Variants in PCDHA4 observed in about 807,000 individuals in gnomAD.
PCDHA4 encodes protocadherin alpha 4, also known as protocadherin alpha-4.
In PCDHA4, 49 loss-of-function variants were observed where a neutral mutation model predicts 61.4. That is an observed-to-expected ratio of 0.80 (90% CI 0.63 to 1.01). PCDHA4 has a LOEUF of 1.01. Among genes scored for constraint, PCDHA4 ranks in the 50% least tolerant of loss-of-function variants. The pLI is 0.00. For missense variants in PCDHA4, 1,254 were observed against 1,235.8 expected (o/e 1.01, Z -0.22); for synonymous variants, 590 against 550.3 (o/e 1.07, Z -1.01).
chr5:140,857,057 G>A, intron 1 of PCDHA4: 1 of 1,596,192 alleles, frequency 6.3e-7, no homozygotes, highest in African/African-American at 1.3e-5. Flanking sequence ...CACGGTCCTA[G>A]TGGAACTACT....
At chr5:140,855,517 A>G (rs2043504995) in intron 1 of PCDHA4, among the ~76,000 whole-genome samples, 1 of 149,978 alleles carries the variant, frequency 6.7e-6, no homozygotes, top group Admixed American at 6.7e-5. Flanking sequence ...TCTCAAAATA[A>G]TGAGAAAGAG....
At chr5:140,830,065 G>A (rs2150180583) in intron 1 of PCDHA4, 1 of 1,613,730 alleles carries the variant, frequency 6.2e-7, no homozygotes. Flanking sequence ...GTGAGCCGGC[G>A]CTGACAGCGA....
At chr5:140,905,380 T>G (rs1226315920) in intron 1 of PCDHA4, among the ~76,000 whole-genome samples, 1 of 152,216 alleles carries the variant, frequency 6.6e-6, no homozygotes, top group African/African-American at 2.4e-5. Context: ...TCTGTTCTGT[T>G]TCATAGGTCT....
intron 1 of PCDHA4, among the ~76,000 whole-genome samples, chr5:140,907,480 C>A (rs1300090409): frequency 6.6e-6 from 1 of 152,212 alleles, no homozygotes; most frequent in Admixed American, 6.5e-5. Flanking sequence ...GCAGGATAGG[C>A]AAACCCATAT....
chr5:140,841,573 G>C, intron 1 of PCDHA4: 1 of 1,614,016 alleles, frequency 6.2e-7, no homozygotes. Flanking sequence ...ATGGCATTTT[G>C]TTTGTGAATT....
intron 1 of PCDHA4, among the ~76,000 whole-genome samples, chr5:140,975,450 G>T (rs1175028711): frequency 6.6e-6 from 1 of 152,174 alleles, no homozygotes. Context: ...AGGGATCTTG[G>T]GGCCATCTTG....
At chr5:140,962,841 A>G (rs1298725922) in intron 1 of PCDHA4, among the ~76,000 whole-genome samples, 3 of 152,210 alleles carry the variant, frequency 2.0e-5, no homozygotes, top group African/African-American at 7.2e-5. Flanking sequence ...TTTTTATTAT[A>G]TAACTTGTGC....
intron 1 of PCDHA4, among the ~76,000 whole-genome samples, chr5:140,909,116 T>C (rs1273091505): frequency 6.6e-6 from 1 of 152,182 alleles, no homozygotes; most frequent in African/African-American, 2.4e-5. Context: ...ATCAGCAAAA[T>C]GTCATCAAGG....
intron 1 of PCDHA4, chr5:140,969,253 C>G (rs200334724): frequency 7.4e-6 from 12 of 1,614,084 alleles, no homozygotes; most frequent in Non-Finnish European, 8.5e-7. Context: ...TGACTGACAG[C>G]AGGAATCTCA....
intron 1 of PCDHA4, among the ~76,000 whole-genome samples, chr5:140,895,667 G>A (rs2153450568): frequency 1.3e-5 from 2 of 152,262 alleles, no homozygotes; most frequent in South Asian, 4.1e-4. Context: ...GTGAGAACAT[G>A]TAGTATTTGG....
intron 1 of PCDHA4, among the ~76,000 whole-genome samples, chr5:140,924,409 T>C (rs1554201915): frequency 6.6e-6 from 1 of 152,186 alleles, no homozygotes; most frequent in Non-Finnish European, 1.5e-5. Flanking sequence ...TATATCACAG[T>C]GTGCCCTTTC....
intron 1 of PCDHA4, among the ~76,000 whole-genome samples, chr5:140,839,001 C>A (rs1775989279): frequency 6.6e-6 from 1 of 151,970 alleles, no homozygotes; most frequent in Non-Finnish European, 1.5e-5. Flanking sequence ...TTCTAATATA[C>A]TTTAGTAAAT....
intron 1 of PCDHA4, chr5:140,841,823 T>C (rs1554138571): frequency 1.9e-6 from 3 of 1,613,930 alleles, no homozygotes; most frequent in Non-Finnish European, 2.5e-6. Context: ...TAACTCCGTG[T>C]TAACCTACAG....
chr5:140,883,093 A>T (rs1035461317), intron 1 of PCDHA4: 1 of 1,614,146 alleles, frequency 6.2e-7, no homozygotes, highest in Non-Finnish European at 8.5e-7. Flanking sequence ...GTACAAATGG[A>T]GATATAGTTT....
At chr5:140,967,506 T>G in intron 1 of PCDHA4, 7 of 1,612,946 alleles carry the variant, frequency 4.3e-6, no homozygotes, top group Non-Finnish European at 5.9e-6. Context: ...TCTGTGCGTG[T>G]CCTGGACACT....
At chr5:140,975,511 A>T (rs1236558069) in intron 1 of PCDHA4, among the ~76,000 whole-genome samples, 2 of 152,212 alleles carry the variant, frequency 1.3e-5, no homozygotes, top group African/African-American at 4.8e-5. Flanking sequence ...CACTATGCAA[A>T]ATCTGCAGTG....
chr5:140,990,342 C>A (rs2097389388), intron 3 of PCDHA4, among the ~76,000 whole-genome samples: 1 of 152,124 alleles, frequency 6.6e-6, no homozygotes, highest in Non-Finnish European at 1.5e-5. Flanking sequence ...TAAGTAAAGC[C>A]TGCCCTGTAC....
At chr5:140,895,525 T>G (rs1172545825) in intron 1 of PCDHA4, among the ~76,000 whole-genome samples, 1 of 152,196 alleles carries the variant, frequency 6.6e-6, no homozygotes, top group Non-Finnish European at 1.5e-5. Context: ...GGTTTATTCG[T>G]TTTTCAATTG....
At chr5:140,884,820 T>A (rs1318105542) in intron 1 of PCDHA4, 2 of 1,013,184 alleles carry the variant, frequency 2.0e-6, no homozygotes, top group Non-Finnish European at 2.8e-6. Context: ...GTGGACATTA[T>A]GTGTTGGATT....
Sources: gnomAD v4.1 joint callset for allele counts (sites outside exome capture counted in the v4.1 genomes callset) on GRCh38, gnomAD v4.1.1 for gene constraint, MANE v1.5 for transcripts, NCBI Gene and HGNC (gene_info 2026-07-23, HGNC 2026-07-21) for gene names.